RNF17: variants seen among roughly 807,000 people sequenced by gnomAD.
RNF17 encodes the protein spermatogenesis associated 23.
RNF17 carries 31 observed loss-of-function variants against 200.5 expected under a neutral mutation model. The observed-to-expected ratio is 0.15, with a 90% CI of 0.12 to 0.21. RNF17 has a LOEUF of 0.21. RNF17 is among the 10% of genes least tolerant of loss of function. RNF17 has a pLI of 1.00. For synonymous variants in RNF17, 606 were observed against 637.8 expected (o/e 0.95, Z 0.75); for missense variants, 1,628 against 1,905.1 (o/e 0.85, Z 2.71).
At chr13:24,753,059 C>T in the RNF17 span, among the ~76,000 whole-genome samples, 3 of 152,058 alleles carry the variant, frequency 2.0e-5, no homozygotes, top group African/African-American at 4.8e-5. Flanking sequence ...ACATTTCTTT[C>T]TTTAATGAGT....
the RNF17 span, among the ~76,000 whole-genome samples, chr13:24,749,844 G>A: frequency 6.6e-6 from 1 of 152,166 alleles, no homozygotes; most frequent in South Asian, 2.1e-4. Context: ...CTGCTGTCCA[G>A]GTTCAAACGA....
rs9511440 is a variant in RNF17, at chr13:24,767,008, T to A, written c.131-264T>A. The stretch of plus-strand genomic sequence containing the variant: ...AGTAGGATCCTCTTTGAATTTCCCT[T>A]GTATCAGTATTGCCCATTCAACATT... On this transcript the variant is annotated intron_variant, in intron 1 of 35. Coordinates refer to ENST00000255324, the MANE Select transcript of RNF17 (RefSeq NM_031277.3). Among the ~76,000 whole-genome samples, 32,239 of 152,190 alleles carry A rather than the reference T, an allele frequency of 0.21. 3,858 individuals carry two copies. The highest frequency in any genetic ancestry group is 0.28 in the East Asian group (1,464 of 5,174).
downstream of RNF17, among the ~76,000 whole-genome samples, chr13:24,881,907 TATAG>T (rs1953845652): frequency 1.6e-5 from 2 of 123,282 alleles, no homozygotes; most frequent in African/African-American, 6.0e-5. Flanking sequence ...TATATAGATA[TATAG>T]ATACATCTAT....
chr13:24,862,735 A>ATGCAAT lies in RNF17; in HGVS notation c.3918_3923dup (p.Ala1307_Ile1308dup). 1 of 1,608,850 alleles carries ATGCAAT rather than the reference A, an allele frequency of 6.2e-7. No homozygotes were observed. The highest frequency in any genetic ancestry group is 8.5e-7 in the Non-Finnish European group (1 of 1,175,450). ...TAGGTTGGGAATGTCTGGCAACCAG[A>ATGCAAT]TGCAATAGAAGTTCTTCAACAACTG... On this transcript the variant is annotated inframe_insertion, in exon 28 of 36. Coordinates refer to ENST00000255324, the MANE Select transcript of RNF17 (RefSeq NM_031277.3).
At chr13:24,797,736 G>A (rs1370915416) in intron 11 of RNF17, among the ~76,000 whole-genome samples, 3 of 151,622 alleles carry the variant, frequency 2.0e-5, no homozygotes, top group Non-Finnish European at 4.4e-5. Flanking sequence ...GTGTGTGTGT[G>A]TGTGTGTGTT....
At chr13:24,883,168 T>G (rs1471747395), downstream of RNF17, 2 of 1,611,702 alleles carry the variant, frequency 1.2e-6, no homozygotes, top group African/African-American at 2.7e-5. Flanking sequence ...CATGATCACA[T>G]GAGGATCGTC....
At chr13:24,821,682 TC>T (rs1161295843) in intron 15 of RNF17, among the ~76,000 whole-genome samples, 2 of 152,202 alleles carry the variant, frequency 1.3e-5, no homozygotes, top group African/African-American at 2.4e-5. Flanking sequence ...CTCCAGAATT[TC>T]CTTTTTATAA....
chr13:24,826,164 TC>T, intron 16 of RNF17: 3 of 870,450 alleles, frequency 3.4e-6, no homozygotes, highest in Non-Finnish European at 4.1e-6. Flanking sequence ...TATTCTTCTT[TC>T]CTGGGAATTA....
At chr13:24,791,151 A>T (rs1883794988) in intron 9 of RNF17, among the ~76,000 whole-genome samples, 1 of 152,178 alleles carries the variant, frequency 6.6e-6, no homozygotes, top group Non-Finnish European at 1.5e-5. Flanking sequence ...TTTGATGGCC[A>T]TTTGGGGGAT....
chr13:24,851,469 C>T lies in RNF17; in HGVS notation c.3218C>T (p.Thr1073Ile), dbSNP rs751749973. ...AAATCACTACAGGAAAACAACACAA[C>T]ATGGCCATTACCTGTGAAAATTTTC... ...LQVDSEENNT[T>I]WPLPVKIFCR... Residue 1073 changes from threonine (T) to isoleucine (I), a missense_variant, in exon 24 of 36, where the codon ACA (threonine) becomes ATA (isoleucine). Physicochemically the swap from Thr to Ile is moderately conservative, Grantham distance 89. This residue lies in a region of RNF17 where 609 missense variants were observed against 681.9 expected (regional missense o/e 0.89). Coordinates refer to ENST00000255324, the MANE Select transcript of RNF17 (RefSeq NM_031277.3). 3 of 1,610,904 alleles carry T rather than the reference C, an allele frequency of 1.9e-6. No homozygotes were observed. The highest frequency in any genetic ancestry group is 4.5e-5 in the East Asian group (2 of 44,826).
chr13:24,812,838 C>G (rs931481830), intron 15 of RNF17, among the ~76,000 whole-genome samples: 1 of 152,018 alleles, frequency 6.6e-6, no homozygotes, highest in Non-Finnish European at 1.5e-5. Flanking sequence ...CCTGCCACCA[C>G]GCCTGGCTAA....
At chr13:24,824,591 G>T (rs1040985057) in intron 15 of RNF17, among the ~76,000 whole-genome samples, 1 of 151,982 alleles carries the variant, frequency 6.6e-6, no homozygotes, top group Non-Finnish European at 1.5e-5. Flanking sequence ...AAACTTTTTT[G>T]ATTATAATAG....
In RNF17 at chr13:24,853,879, T is replaced by C; in HGVS notation, c.3345T>C (p.His1115=). 1.9e-6 allele frequency: 3 copies of C among 1,609,738 alleles called. No individual in the cohort carries two copies. Among genetic ancestry groups the C allele is most frequent in the Non-Finnish European group, 2.5e-6 (3 of 1,177,984 alleles). The change falls in exon 25 of 36, where the codon CAT becomes CAC. Residue 1115 remains histidine (H), a synonymous_variant. Transcript: ENST00000255324. ...GAATTAATAACTTAGATAACAGCCATTCATTATCTGAGAAGTCTCTGGAAG... is the reference window on the plus strand; with the variant it reads ...GAATTAATAACTTAGATAACAGCCACTCATTATCTGAGAAGTCTCTGGAAG... ...ERRINNLDNS[H]SLSEKSLEVP...
chr13:24,792,234 C>CT (rs1883958439), intron 9 of RNF17, among the ~76,000 whole-genome samples: 1 of 152,274 alleles, frequency 6.6e-6, no homozygotes, highest in African/African-American at 2.4e-5. Flanking sequence ...AAATTTAACT[C>CT]TGAGAGCTGC....
At chr13:24,884,547 A>G (rs1953956129), downstream of RNF17, 4 of 1,323,532 alleles carry the variant, frequency 3.0e-6, no homozygotes, top group Non-Finnish European at 4.3e-6. Flanking sequence ...CCTACTTTGA[A>G]ATTTTTTGTA....
the RNF17 span, among the ~76,000 whole-genome samples, chr13:24,757,319 T>TCC: frequency 7.0e-6 from 1 of 142,848 alleles, no homozygotes; most frequent in African/African-American, 2.5e-5. Context: ...CAGGACAATA[T>TCC]TCTTTTTTTT....
chr13:24,829,695 T>C (rs1889174473), intron 16 of RNF17, among the ~76,000 whole-genome samples: 1 of 152,206 alleles, frequency 6.6e-6, no homozygotes, highest in African/African-American at 2.4e-5. Context: ...ACTGTATTAG[T>C]CTTTAAGTTT....
At chr13:24,839,765 A>G (rs961435714) in intron 18 of RNF17, among the ~76,000 whole-genome samples, 1 of 152,244 alleles carries the variant, frequency 6.6e-6, no homozygotes, top group Non-Finnish European at 1.5e-5. Flanking sequence ...CTAACAGTGT[A>G]AACTATAAAA....
intron 25 of RNF17, among the ~76,000 whole-genome samples, chr13:24,858,642 A>T (rs961039599): frequency 2.0e-5 from 3 of 151,374 alleles, no homozygotes; most frequent in African/African-American, 7.3e-5. Context: ...CAAAATTGAA[A>T]TTTTAATTTA....
Sources: gnomAD v4.1 joint callset for allele counts (sites outside exome capture counted in the v4.1 genomes callset) on GRCh38, gnomAD v4.1.1 for gene constraint, gnomAD v4.1.1 regional missense constraint, MANE v1.5 for transcripts, NCBI Gene and HGNC (gene_info 2026-07-23, HGNC 2026-07-21) for gene names.